Variants in QPRT observed in about 807,000 individuals in gnomAD.
The protein encoded by QPRT is quinolinate phosphoribosyltransferase.
Under a neutral mutation model 19.8 loss-of-function variants are expected in QPRT, and 17 were observed. The ratio of observed to expected loss-of-function variants is 0.86; its 90% CI spans 0.59 to 1.29. QPRT has a LOEUF of 1.29. QPRT is among the 50% of genes most tolerant of loss of function. The probability of loss-of-function intolerance (pLI) is 0.00; values close to 1 mark genes in which losing one functional copy is unlikely to be tolerated. For synonymous variants in QPRT, 178 were observed against 191.0 expected (o/e 0.93, Z 0.56); for missense variants, 336 against 405.1 (o/e 0.83, Z 1.46).
intron 1 of QPRT, 111 bp from the exon 2 acceptor site, chr16:29,694,553 T>G: frequency 9.3e-7 from 1 of 1,077,710 alleles, no homozygotes; most frequent in Non-Finnish European, 1.2e-6. Context: ...CCCCTAGATC[T>G]TGAGGCTGAT....
chr16:29,683,374 G>T (rs1311692442), intron 1 of QPRT, among the ~76,000 whole-genome samples: 6 of 149,388 alleles, frequency 4.0e-5, no homozygotes, highest in African/African-American at 1.2e-4. Context: ...TTTTTTCCCT[G>T]AGGCAGGGTC....
chr16:29,683,511 A>T (rs974665026), intron 1 of QPRT, among the ~76,000 whole-genome samples: 3 of 151,796 alleles, frequency 2.0e-5, no homozygotes, highest in African/African-American at 7.3e-5. Flanking sequence ...GTGTGTCACC[A>T]TGCCCAGCTA....
intron 1 of QPRT, among the ~76,000 whole-genome samples, chr16:29,681,493 C>CTTTTT (rs10680462): frequency 0.013 from 1,271 of 97,110 alleles, 85 homozygotes; most frequent in Middle Eastern, 0.024. Context: ...GATCCAGATT[C>CTTTTT]TTTTTTTTTT....
At chr16:29,682,907 T>C (rs2142296388) in intron 1 of QPRT, among the ~76,000 whole-genome samples, 1 of 152,260 alleles carries the variant, frequency 6.6e-6, no homozygotes, top group East Asian at 1.9e-4. Flanking sequence ...TTTGAAACTT[T>C]ATTTTTTTGA....
chr16:29,692,904 TA>T (rs755957381), intron 1 of QPRT, among the ~76,000 whole-genome samples: 150 of 150,472 alleles, frequency 1.0e-3, no homozygotes, highest in Admixed American at 2.8e-3. Context: ...ATACTAAAAA[TA>T]CAAAATTTAG....
At chr16:29,679,140 C>T (rs750514527), upstream of QPRT, 4 of 1,613,756 alleles carry the variant, frequency 2.5e-6, no homozygotes, top group Non-Finnish European at 2.5e-6. Context: ...AGCCTGGGGC[C>T]TCTGGGAGCC....
Position 29,695,047 on chromosome 16 carries a change from C to T in QPRT, c.397C>T (p.His133Tyr). 1 of 1,605,552 alleles carries T rather than the reference C, an allele frequency of 6.2e-7. No individual in the cohort carries two copies. ...CGCCAGGGGGGCCGGCTGGACTGGG[C>T]ACGTGGCAGGCACGAGGAAGACCAC... ...EAARGAGWTG[H>Y]VAGTRKTTPG... Residue 133 changes from histidine (H) to tyrosine (Y), a missense_variant, in exon 2 of 4, where the codon CAC becomes TAC. His to Tyr is a moderately conservative substitution (Grantham distance 83). Transcript: ENST00000395384.
intron 1 of QPRT, 36 bp downstream of exon 1, chr16:29,679,246 C>G (rs1449129158): frequency 1.3e-6 from 2 of 1,536,622 alleles, no homozygotes; most frequent in Non-Finnish European, 1.8e-6. Context: ...TCCCTGCACC[C>G]ATCCCCCCAC....
chr16:29,696,937 C>T (rs1309159638), intron 2 of QPRT, 59 bp from the exon 3 acceptor site: 62 of 1,512,662 alleles, frequency 4.1e-5, no homozygotes, highest in Admixed American at 2.5e-4. Flanking sequence ...CGGCTCCCTG[C>T]GCCCCAGTGC....
chr16:29,697,527 C>A lies in QPRT; in HGVS notation c.*116C>A. The stretch of plus-strand genomic sequence containing the variant: ...GGGGCACATTTGGCACTAGCTTGAG[C>A]CCAACTCTGGCTCTGCCACCTGCTG... On this transcript the variant is annotated 3_prime_UTR_variant, in exon 4 of 4. Coordinates refer to ENST00000395384, the MANE Select transcript of QPRT (RefSeq NM_014298.6). This position sits in a 1 kb window ranked among gnomAD's most constrained non-coding sequence, Gnocchi z 4.4. 1 of 1,107,296 alleles carries A rather than the reference C, an allele frequency of 9.0e-7. No homozygotes were observed. The highest frequency in any genetic ancestry group is 1.3e-6 in the Non-Finnish European group (1 of 789,924). The allele number at this position is 1,107,296 out of a possible 1,614,324, so 68.6% of individuals were successfully genotyped here.
At chr16:29,685,731 G>A (rs1567328616) in intron 1 of QPRT, among the ~76,000 whole-genome samples, 3 of 152,124 alleles carry the variant, frequency 2.0e-5, no homozygotes, top group Admixed American at 6.5e-5. Context: ...CAGGCATGGT[G>A]GATCACACTT....
chr16:29,687,936 T>C (rs1967210965), intron 1 of QPRT, among the ~76,000 whole-genome samples: 1 of 151,818 alleles, frequency 6.6e-6, no homozygotes, highest in Admixed American at 6.6e-5. Flanking sequence ...GAGCCATGAT[T>C]GCACCACTGC....
At chr16:29,687,341 A>G (rs1439712599) in intron 1 of QPRT, among the ~76,000 whole-genome samples, 1 of 152,202 alleles carries the variant, frequency 6.6e-6, no homozygotes, top group Non-Finnish European at 1.5e-5. Context: ...AAATATTGGC[A>G]ATTTTATATT....
upstream of QPRT, chr16:29,679,074 G>A (rs924821004): frequency 1.3e-6 from 2 of 1,569,552 alleles, no homozygotes; most frequent in African/African-American, 1.4e-5. Context: ...TGGGGAGCCT[G>A]GGAAGGGCCG....
At chr16:29,679,523 A>T (rs1482763475) in intron 1 of QPRT, among the ~76,000 whole-genome samples, 1 of 149,654 alleles carries the variant, frequency 6.7e-6, no homozygotes, top group Admixed American at 6.7e-5. Flanking sequence ...CGGAAGTGGG[A>T]GGCTGGTTGG....
intron 2 of QPRT, chr16:29,696,785 A>T: frequency 1.8e-6 from 1 of 550,304 alleles, no homozygotes; most frequent in Non-Finnish European, 3.1e-6. Flanking sequence ...TGTCTCAAAA[A>T]CAAAACAAAG....
Position 29,695,137 on chromosome 16 carries a change from G to T in QPRT, c.487G>T (p.Asp163Tyr), listed in dbSNP as rs763908774. 1.3e-6 allele frequency: 2 copies of T among 1,583,010 alleles called. No individual in the cohort carries two copies. Among genetic ancestry groups the T allele is most frequent in the Non-Finnish European group, 1.7e-6 (2 of 1,165,574 alleles). The change falls in exon 2 of 4, where the codon GAC (aspartate) becomes TAC (tyrosine). Residue 163 changes from aspartate (D) to tyrosine (Y), a missense_variant. Asp to Tyr is a radical substitution (Grantham distance 160). Transcript: ENST00000395384. ...GGGCGGGGCCGCCTCGCACCGCTAC[G>T]ACCTGGGAGGGCTGGTGATGGTGAA... is the stretch of plus-strand genomic sequence containing the variant. ...LVGGAASHRYDLGGLVMVKDN... is the reference protein window; with the variant it reads ...LVGGAASHRYYLGGLVMVKDN...
At chr16:29,690,374 C>G (rs374624295) in intron 1 of QPRT, among the ~76,000 whole-genome samples, 1 of 152,158 alleles carries the variant, frequency 6.6e-6, no homozygotes, top group African/African-American at 2.4e-5. Context: ...GGGTATATAC[C>G]CAGTAATGGG....
At chr16:29,692,815 G>A (rs553801907) in intron 1 of QPRT, among the ~76,000 whole-genome samples, 6 of 152,246 alleles carry the variant, frequency 3.9e-5, no homozygotes, top group South Asian at 2.1e-4. Context: ...TGTAATCCCA[G>A]CACTTGGGAG....
Sources: allele counts gnomAD v4.1 joint callset (sites outside exome capture counted in the v4.1 genomes callset), GRCh38; gene constraint gnomAD v4.1.1; non-coding constraint Gnocchi (gnomAD v3.1); transcripts MANE v1.5; gene names NCBI Gene and HGNC (gene_info 2026-07-23, HGNC 2026-07-21).